Variants in HDAC9 observed in about 807,000 individuals in gnomAD.
HDAC9 encodes MEF-2 interacting transcription repressor (MITR) protein.
HDAC9 carries 41 observed loss-of-function variants against 139.4 expected under a neutral mutation model. That is an observed-to-expected ratio of 0.29 (90% CI 0.23 to 0.38). The LOEUF is 0.38. Among genes scored for constraint, HDAC9 ranks in the 10% least tolerant of loss-of-function variants. The pLI, the probability that HDAC9 is intolerant of heterozygous loss-of-function variation, is 1.00. For synonymous variants in HDAC9, 517 were observed against 476.2 expected, an observed-to-expected ratio of 1.09 and a Z score of -1.12; for missense variants, 1,147 against 1,297.0, an observed-to-expected ratio of 0.88 and a Z score of 1.78.
intron 1 of HDAC9, chr7:18,429,465 C>T (rs1370845197): frequency 6.6e-6 from 1 of 152,104 alleles, no homozygotes; most frequent in Non-Finnish European, 1.5e-5. Flanking sequence ...GAAAAGTTAA[C>T]TTTCCCCTGG....
chr7:18,778,722 G>C (rs1265788251), intron 16 of HDAC9, among the ~76,000 whole-genome samples: 1 of 152,016 alleles, frequency 6.6e-6, no homozygotes, highest in Non-Finnish European at 1.5e-5. Context: ...AAATCTATGA[G>C]TCCCCCGGAT....
At chr7:18,687,390 A>T (rs1487136983) in intron 12 of HDAC9, among the ~76,000 whole-genome samples, 1 of 151,838 alleles carries the variant, frequency 6.6e-6, no homozygotes, top group Non-Finnish European at 1.5e-5. Context: ...GAAATAACAG[A>T]TATTCAAAGG....
intron 1 of HDAC9, among the ~76,000 whole-genome samples, chr7:18,424,675 G>C (rs1184905336): frequency 6.6e-6 from 1 of 152,184 alleles, no homozygotes; most frequent in Non-Finnish European, 1.5e-5. Context: ...TTGGGTGGCT[G>C]AGGCAGACAG....
rs147638094 is a variant in HDAC9 at position 18,712,231 on chromosome 7, T to G, written c.1732-15349T>G. On this transcript the variant is annotated intron_variant, in intron 12 of 25. Coordinates refer to ENST00000686413, the MANE Select transcript of HDAC9 (RefSeq NM_178425.4). ...TCATTGTTTTCTGATTAAGTTAAAA[T>G]CCCTAAAGATGTTGACAAATTTTTC... Among the ~76,000 whole-genome samples, 115 of 152,304 alleles carry G rather than the reference T, an allele frequency of 7.6e-4. 1 individual carries two copies. Among genetic ancestry groups the G allele is most frequent in the African/African-American group, 2.6e-3 (110 of 41,566 alleles).
chr7:18,783,625 C>T (rs1468740583), intron 16 of HDAC9, among the ~76,000 whole-genome samples: 3 of 151,352 alleles, frequency 2.0e-5, no homozygotes, highest in African/African-American at 7.3e-5. Flanking sequence ...TTGATGGTTA[C>T]CACACAAGGA....
At chr7:18,577,478 T>C (rs1009676290) in intron 2 of HDAC9, among the ~76,000 whole-genome samples, 5 of 152,206 alleles carry the variant, frequency 3.3e-5, no homozygotes, top group African/African-American at 4.8e-5. Context: ...TCAAAATTTC[T>C]CTGTAACAAA....
chr7:18,522,822 C>T (rs1028534261), intron 2 of HDAC9, among the ~76,000 whole-genome samples: 1 of 152,110 alleles, frequency 6.6e-6, no homozygotes, highest in African/African-American at 2.4e-5. Flanking sequence ...CAGGAATCCT[C>T]TTTGTAGGTG....
At chr7:18,804,036 A>G (rs1306586768) in intron 17 of HDAC9, among the ~76,000 whole-genome samples, 1 of 152,238 alleles carries the variant, frequency 6.6e-6, no homozygotes, top group African/African-American at 2.4e-5. Flanking sequence ...AAATGGACAT[A>G]TGATACAAGT....
intron 1 of HDAC9, among the ~76,000 whole-genome samples, chr7:18,367,259 A>G (rs773130667): frequency 6.6e-6 from 1 of 152,088 alleles, no homozygotes; most frequent in African/African-American, 2.4e-5. Context: ...GCCAGTTGAT[A>G]TGATAAATGT....
At chr7:18,667,460 TAGAAA>T in intron 12 of HDAC9, 1 of 984,420 alleles carries the variant, frequency 1.0e-6, no homozygotes, top group Non-Finnish European at 1.2e-6. Flanking sequence ...AAATAACAAT[TAGAAA>T]AGATAGGTTT....
chr7:18,818,221 C>T (rs1473603284), intron 17 of HDAC9, among the ~76,000 whole-genome samples: 1 of 152,140 alleles, frequency 6.6e-6, no homozygotes, highest in African/African-American at 2.4e-5. Flanking sequence ...TACCTTAGTG[C>T]TGATACTTAA....
intron 1 of HDAC9, among the ~76,000 whole-genome samples, chr7:18,129,130 C>T (rs1417843802): frequency 6.6e-6 from 1 of 152,074 alleles, no homozygotes; most frequent in Non-Finnish European, 1.5e-5. Context: ...TTCCTCTTAC[C>T]TACTATTTGT....
At chr7:18,353,605 T>C (rs1298451203) in intron 1 of HDAC9, among the ~76,000 whole-genome samples, 1 of 152,164 alleles carries the variant, frequency 6.6e-6, no homozygotes, top group African/African-American at 2.4e-5. Flanking sequence ...TATGAGGTAA[T>C]TGAAGGAAAT....
intron 17 of HDAC9, 51 bp from the exon 18 acceptor site, chr7:18,829,110 C>G (rs373698016): frequency 1.5e-6 from 2 of 1,312,130 alleles, no homozygotes; most frequent in Middle Eastern, 1.8e-4. Flanking sequence ...CAATCCCTCT[C>G]CTACCCTCTC....
At chr7:18,729,643 T>C (rs1372340752) in intron 13 of HDAC9, among the ~76,000 whole-genome samples, 1 of 151,676 alleles carries the variant, frequency 6.6e-6, no homozygotes, top group African/African-American at 2.4e-5. Context: ...ACCCTGATCA[T>C]TCAAACAAAG....
intron 1 of HDAC9, among the ~76,000 whole-genome samples, chr7:18,466,864 C>T (rs1324907466): frequency 1.3e-5 from 2 of 152,160 alleles, no homozygotes; most frequent in African/African-American, 4.8e-5. Flanking sequence ...TTCTGAAGAT[C>T]GTCTGTCTGT....
At chr7:18,815,163 A>T (rs1794469429) in intron 17 of HDAC9, among the ~76,000 whole-genome samples, 1 of 152,202 alleles carries the variant, frequency 6.6e-6, no homozygotes, top group African/African-American at 2.4e-5. Flanking sequence ...GTCTTAAAAA[A>T]ATAGTGTCTT....
At chr7:18,864,787 G>C (rs913901038) in intron 21 of HDAC9, among the ~76,000 whole-genome samples, 6 of 152,120 alleles carry the variant, frequency 3.9e-5, no homozygotes, top group African/African-American at 1.4e-4. Context: ...CACGGTTACA[G>C]AGTTTCCCTG....
chr7:18,592,322 G>A (rs1007478889), intron 5 of HDAC9, among the ~76,000 whole-genome samples: 1 of 151,986 alleles, frequency 6.6e-6, no homozygotes, highest in Non-Finnish European at 1.5e-5. Flanking sequence ...ATACACTGTG[G>A]TATTGTGGTT....
Sources: gnomAD v4.1 joint callset for allele counts (sites outside exome capture counted in the v4.1 genomes callset) on GRCh38, gnomAD v4.1.1 for gene constraint, MANE v1.5 for transcripts, NCBI Gene and HGNC (gene_info 2026-07-23, HGNC 2026-07-21) for gene names.